Variants in DPY19L3 observed in about 807,000 individuals in gnomAD.
DPY19L3 encodes the protein protein C-mannosyl-transferase DPY19L3.
A neutral mutation model predicts 92.3 loss-of-function variants in DPY19L3; 51 were observed. That is an observed-to-expected ratio of 0.55 (90% confidence interval 0.44 to 0.70). The LOEUF (loss-of-function observed/expected upper bound fraction) is 0.70. Ranked by LOEUF, DPY19L3 falls within the 30% of genes least tolerant of loss-of-function variation. DPY19L3 has a pLI of 0.00. For synonymous variants in DPY19L3, 309 were observed against 315.2 expected (o/e 0.98, Z 0.21); for missense variants, 706 against 855.9 (o/e 0.82, Z 2.18).
intron 4 of DPY19L3, among the ~76,000 whole-genome samples, chr19:32,435,585 A>G (rs941349664): frequency 6.6e-6 from 1 of 152,210 alleles, no homozygotes; most frequent in Non-Finnish European, 1.5e-5. Context: ...CAACTGTAGT[A>G]TATAGGAGTC....
At chr19:32,459,327 TAATG>T (rs1315184892) in intron 12 of DPY19L3, among the ~76,000 whole-genome samples, 1 of 152,210 alleles carries the variant, frequency 6.6e-6, no homozygotes, top group African/African-American at 2.4e-5. Context: ...TGTGAAAACT[TAATG>T]AAGCTCACGA....
intron 10 of DPY19L3, among the ~76,000 whole-genome samples, chr19:32,456,161 G>A (rs879130032): frequency 9.0e-5 from 12 of 132,846 alleles, no homozygotes; most frequent in Admixed American, 6.3e-4. Context: ...CTGCAGCCTC[G>A]ATCTCCTGGA....
chr19:32,415,410 G>A (rs200377786), intron 3 of DPY19L3, among the ~76,000 whole-genome samples: 3 of 152,220 alleles, frequency 2.0e-5, no homozygotes, highest in African/African-American at 7.2e-5. Flanking sequence ...AGAGAGCCTG[G>A]TGTGTGAAGC....
chr19:32,479,922 C>T (rs1176187341), intron 17 of DPY19L3, among the ~76,000 whole-genome samples: 3 of 152,214 alleles, frequency 2.0e-5, no homozygotes, highest in African/African-American at 7.2e-5. Flanking sequence ...GGAGCAGAGA[C>T]CCTACAGGGA....
intron 4 of DPY19L3, among the ~76,000 whole-genome samples, chr19:32,434,205 A>G (rs971341769): frequency 6.6e-6 from 1 of 152,174 alleles, no homozygotes; most frequent in Non-Finnish European, 1.5e-5. Flanking sequence ...GTCCAGAGCA[A>G]CAGAATACTT....
At chr19:32,449,697 C>T (rs996871378) in intron 8 of DPY19L3, among the ~76,000 whole-genome samples, 21 of 152,118 alleles carry the variant, frequency 1.4e-4, no homozygotes, top group Non-Finnish European at 4.4e-5. Context: ...ACAAATGGTG[C>T]AGGAATAACT....
Position 32,405,787 on chromosome 19 carries a change from C to T in DPY19L3, c.-160C>T, listed in dbSNP as rs903474906. The stretch of plus-strand genomic sequence containing the variant: ...AGCCCCTCATTTCCACAAAGCTCCG[C>T]GGCGGTTCTGCCCTCCTTGTACCCG... On this transcript the variant is annotated 5_prime_UTR_variant, in exon 1 of 19. Coordinates refer to ENST00000392250, the MANE Select transcript of DPY19L3 (RefSeq NM_001172774.2). The T allele has an allele frequency of 6.6e-6, 1 of 152,186 alleles. No individual in the cohort carries two copies. The highest frequency in any genetic ancestry group is 1.5e-5 in the Non-Finnish European group (1 of 68,086). The allele number at this position is 152,186 out of a possible 1,614,324, so 9.4% of individuals were successfully genotyped here.
Position 32,439,907 on chromosome 19 carries a change from G to A in DPY19L3, c.852G>A (p.Val284=). Residue 284 remains valine (V), a synonymous_variant, in exon 8 of 19, where the codon GTG becomes GTA. Transcript: ENST00000392250. ...ACTCCCTGGACATGCTGCCAGCAGT[G>A]AAGGTGAGCTTTGCTTTCTTTTCTC... is the stretch of plus-strand genomic sequence containing the variant. The part of the protein sequence containing the change: ...TLDSLDMLPA[V]KATWLYGIQI... The A allele has an allele frequency of 1.9e-6, 3 of 1,612,264 alleles. No homozygotes were observed. Among genetic ancestry groups the A allele is most frequent in the Non-Finnish European group, 2.5e-6 (3 of 1,179,400 alleles).
intron 16 of DPY19L3, among the ~76,000 whole-genome samples, chr19:32,471,670 C>T (rs770950022): frequency 1.2e-4 from 18 of 152,148 alleles, no homozygotes; most frequent in South Asian, 2.1e-4. Context: ...ACAGGGCTTC[C>T]GCTTGGAGAT....
At chr19:32,437,393 G>A in intron 6 of DPY19L3, 54 bp downstream of exon 6, 2 of 1,564,134 alleles carry the variant, frequency 1.3e-6, no homozygotes, top group Non-Finnish European at 1.7e-6. Flanking sequence ...TAAAAATGAA[G>A]TCACTTCATT....
rs1970706859 is a variant in DPY19L3, at chr19:32,482,559, G to A, written c.*319G>A. The A allele has an allele frequency of 4.8e-6, 1 of 210,380 alleles. No individual in the cohort carries two copies. The highest frequency in any genetic ancestry group is 9.4e-6 in the Non-Finnish European group (1 of 106,390). 13.0% of individuals were successfully genotyped at this position (210,380 alleles called of 1,614,324 possible). ...TACCTGGATAGGCACATAACATGTT[G>A]GAAGATGAGCACCTGCTCAGGATTT... On this transcript the variant is annotated 3_prime_UTR_variant, in exon 19 of 19. Coordinates refer to ENST00000392250, the MANE Select transcript of DPY19L3 (RefSeq NM_001172774.2).
intron 7 of DPY19L3, 130 bp downstream of exon 7, chr19:32,439,365 GTTAAA>G (rs1207865364): frequency 3.3e-5 from 32 of 964,936 alleles, no homozygotes; most frequent in Non-Finnish European, 4.3e-5. Context: ...TTAAACTTGA[GTTAAA>G]TTAAGTTTTC....
intron 7 of DPY19L3, among the ~76,000 whole-genome samples, chr19:32,439,467 G>A (rs1169866212): frequency 6.6e-6 from 1 of 152,096 alleles, no homozygotes; most frequent in African/African-American, 2.4e-5. Flanking sequence ...CCCTTAAATA[G>A]TTGCAGCAAA....
chr19:32,474,621 T>C (rs1177091861), intron 16 of DPY19L3, among the ~76,000 whole-genome samples: 1 of 152,144 alleles, frequency 6.6e-6, no homozygotes, highest in Non-Finnish European at 1.5e-5. Context: ...GTTGGAGTTT[T>C]GCTCTGTTGC....
Position 32,468,192 on chromosome 19 carries a change from AAAAT to A in DPY19L3, c.1615-534_1615-531del, listed in dbSNP as rs1182759427. On this transcript the variant is annotated intron_variant, in intron 15 of 18. Coordinates refer to ENST00000392250, the MANE Select transcript of DPY19L3 (RefSeq NM_001172774.2). ...CCTCAGTTTCCACACTTCTAAATGA[AAAAT>A]AAATCCCAGTGGGTGATGCTGCCTG... 3.3e-6 allele frequency: 3 copies of A among 921,634 alleles called. No individual in the cohort carries two copies. In the African/African-American group the frequency reaches 5.4e-5, roughly 16 times the overall value. 57.1% of individuals were successfully genotyped at this position (921,634 alleles called of 1,614,324 possible).
At chr19:32,426,013 A>T (rs1446025204) in intron 3 of DPY19L3, among the ~76,000 whole-genome samples, 1 of 152,208 alleles carries the variant, frequency 6.6e-6, no homozygotes, top group Non-Finnish European at 1.5e-5. Context: ...TTTCATCTAC[A>T]TTGAGTATCT....
chr19:32,482,330 G>T lies in DPY19L3; in HGVS notation c.*90G>T. 6.9e-7 allele frequency: 1 copy of T among 1,452,190 alleles called. No individual in the cohort carries two copies. The highest frequency in any genetic ancestry group is 9.3e-7 in the Non-Finnish European group (1 of 1,070,432). The allele number at this position is 1,452,190 out of a possible 1,614,324, so 90.0% of individuals were successfully genotyped here. On this transcript the variant is annotated 3_prime_UTR_variant, in exon 19 of 19. Coordinates refer to ENST00000392250, the MANE Select transcript of DPY19L3 (RefSeq NM_001172774.2). ...ATGACGTTTCCTATGTAAGTAGGTA[G>T]CCCAAACCTTCAAGCTGTGATATGA...
chr19:32,470,541 C>T (rs537288821), intron 16 of DPY19L3, among the ~76,000 whole-genome samples: 11 of 152,230 alleles, frequency 7.2e-5, no homozygotes, highest in Admixed American at 5.2e-4. Flanking sequence ...AGGTTATCTT[C>T]GGCAGTCTCA....
chr19:32,447,832 A>AG (rs760321718), intron 8 of DPY19L3, among the ~76,000 whole-genome samples: 5,068 of 134,028 alleles, frequency 0.038, 348 homozygotes, highest in Admixed American at 0.18. Flanking sequence ...AGATAGATAG[A>AG]TAGATAGATA....
Sources: allele counts gnomAD v4.1 joint callset (sites outside exome capture counted in the v4.1 genomes callset), GRCh38; gene constraint gnomAD v4.1.1; transcripts MANE v1.5; gene names NCBI Gene and HGNC (gene_info 2026-07-23, HGNC 2026-07-21).